CBX3: variants seen among roughly 807,000 people sequenced by gnomAD.
The protein encoded by CBX3 is chromobox protein homolog 3.
A neutral mutation model predicts 22.6 loss-of-function variants in CBX3; 5 were observed. The ratio of observed to expected loss-of-function variants is 0.22; its 90% confidence interval spans 0.12 to 0.47. CBX3 has a LOEUF of 0.47. Among genes scored for constraint, CBX3 ranks in the 20% least tolerant of loss-of-function variants. CBX3 has a pLI of 0.99. For synonymous variants in CBX3, 50 were observed against 66.6 expected, an observed-to-expected ratio of 0.75 and a Z score of 1.21; for missense variants, 83 against 208.1, an observed-to-expected ratio of 0.40 and a Z score of 3.70.
In CBX3 at chr7:26,211,778, C is replaced by T. The variant is rs374663838; in HGVS notation, c.425+22C>T. 7.4e-6 allele frequency: 11 copies of T among 1,479,320 alleles called. No individual in the cohort carries two copies. In the African/African-American group the frequency reaches 8.6e-5, roughly 12 times the overall value. The allele number at this position is 1,479,320 out of a possible 1,614,324, so 91.6% of individuals were successfully genotyped here. On this transcript the variant is annotated intron_variant, in intron 5 of 5. Transcript: ENST00000396386. ...AATGGTGAGTATGCAGAGATTGTTA[C>T]ATTTGAAAGTAAGAGTAGCTTTTTT...
rs1050661897 is a variant in CBX3 at position 26,207,857 on chromosome 7, C to T, written c.168-536C>T. 5.3e-5 allele frequency among the ~76,000 whole-genome samples: 8 copies of T among 151,882 alleles called. No individual in the cohort carries two copies. The East Asian group carries it at 9.8e-4, about 19-fold the overall frequency. ...TGAAAATAATACTACAGAGCAGAGA[C>T]TTTTATTGTCCTCTACCCAGTAATT... On this transcript the variant is annotated intron_variant, in intron 3 of 5. Transcript: ENST00000396386.
chr7:26,212,277 C>T lies in CBX3; in HGVS notation c.*69C>T, dbSNP rs1249498829. On this transcript the variant is annotated 3_prime_UTR_variant, in exon 6 of 6. Coordinates refer to ENST00000396386, the MANE Select transcript of CBX3 (RefSeq NM_016587.4). ...AAATTGGGTCTTAGATTTTGATTTA[C>T]TAGTGTGACAAAATAACTACATCCT... 4.3e-6 allele frequency: 4 copies of T among 934,390 alleles called. No individual in the cohort carries two copies. Among genetic ancestry groups the T allele is most frequent in the African/African-American group, 1.8e-5 (1 of 56,882 alleles). The allele number at this position is 934,390 out of a possible 1,614,324, so 57.9% of individuals were successfully genotyped here. A position where few individuals can be genotyped will look rare whatever the true frequency, so the allele number is the denominator to read the frequency against.
chr7:26,203,686 T>G (rs1784605387), intron 2 of CBX3, among the ~76,000 whole-genome samples: 1 of 152,176 alleles, frequency 6.6e-6, no homozygotes, highest in Non-Finnish European at 1.5e-5. Context: ...AATCATGAAA[T>G]TCAAAGTTAC....
At chr7:26,211,089 A>C (rs1784793732) in intron 4 of CBX3, among the ~76,000 whole-genome samples, 1 of 152,080 alleles carries the variant, frequency 6.6e-6, no homozygotes, top group Non-Finnish European at 1.5e-5. Flanking sequence ...AAAAAAAAAA[A>C]AAAAAAAAAT....
intron 1 of CBX3, chr7:26,202,111 C>A (rs1784500863): frequency 6.6e-6 from 1 of 151,990 alleles, no homozygotes; most frequent in African/African-American, 2.4e-5. Flanking sequence ...CTCCCCTCCC[C>A]CACCCGCGTT....
intron 4 of CBX3, among the ~76,000 whole-genome samples, chr7:26,209,787 A>T (rs1487062894): frequency 2.6e-5 from 4 of 152,182 alleles, no homozygotes; most frequent in Non-Finnish European, 1.5e-5. Context: ...CTACTGACCT[A>T]GTGTGGCAAT....
chr7:26,208,949 T>TTTTTTTTTC (rs1784743842), intron 4 of CBX3, among the ~76,000 whole-genome samples: 1 of 134,974 alleles, frequency 7.4e-6, no homozygotes, highest in Non-Finnish European at 1.6e-5. Flanking sequence ...TTTTTTTTTT[T>TTTTTTTTTC]TTCCTGGGAG....
rs192714146 is a variant in CBX3, at chr7:26,211,165, G to A, written c.331-497G>A. Among the ~76,000 whole-genome samples, 35 of 151,930 alleles carry A rather than the reference G, an allele frequency of 2.3e-4. 1 individual carries two copies. The East Asian group carries it at 6.2e-3, about 27-fold the overall frequency. Reference sequence around the variant, plus strand: ...GTGTTGGGCCTCCAAAGCCATCCTGGGCCACAGGTTACACAAGTTTGTTCT... The same window carrying A: ...GTGTTGGGCCTCCAAAGCCATCCTGAGCCACAGGTTACACAAGTTTGTTCT... On this transcript the variant is annotated intron_variant, in intron 4 of 5. Transcript: ENST00000396386.
intron 3 of CBX3, among the ~76,000 whole-genome samples, chr7:26,207,837 A>G (rs1034492220): frequency 1.3e-5 from 2 of 151,118 alleles, no homozygotes; most frequent in African/African-American, 2.5e-5. Context: ...TTTAATGAAA[A>G]TAATACTACA....
rs762628517 is a variant in CBX3 at position 26,206,459 on chromosome 7, G to A, written c.116G>A (p.Arg39His). The A allele has an allele frequency of 6.2e-6, 10 of 1,613,988 alleles. No homozygotes were observed. The highest frequency in any genetic ancestry group is 5.5e-5 in the South Asian group (5 of 91,080). ...EFVVEKVLDR[R>H]VVNGKVEYFL... is the part of the protein sequence containing the mutation. ...GTCGTGGAAAAAGTACTAGATCGAC[G>A]TGTAGTGAATGGGAAAGTGGAATAT... is the stretch of plus-strand genomic sequence containing the variant. Residue 39 changes from arginine to histidine, a missense_variant, in exon 3 of 6, where the codon CGT becomes CAT. Transcript: ENST00000396386.
At chr7:26,210,883 G>A (rs1052157827) in intron 4 of CBX3, among the ~76,000 whole-genome samples, 4 of 152,072 alleles carry the variant, frequency 2.6e-5, no homozygotes, top group Admixed American at 2.0e-4. Flanking sequence ...AAAAAAGGGG[G>A]CCTTACACAA....
intron 4 of CBX3, among the ~76,000 whole-genome samples, chr7:26,210,823 G>A (rs187827370): frequency 1.3e-5 from 2 of 152,190 alleles, no homozygotes; most frequent in African/African-American, 2.4e-5. Flanking sequence ...TGCTGTGGCG[G>A]ATCATTTTGG....
intron 4 of CBX3, among the ~76,000 whole-genome samples, chr7:26,208,970 C>T (rs1784744947): frequency 8.5e-6 from 1 of 117,194 alleles, no homozygotes; most frequent in Non-Finnish European, 1.6e-5. Flanking sequence ...ACAGAGTCTC[C>T]CTCTGTCACC....
At chr7:26,208,292 A>T in intron 3 of CBX3, 101 bp from the exon 4 acceptor site, 1 of 906,390 alleles carries the variant, frequency 1.1e-6, no homozygotes. Flanking sequence ...AGTACAGAGG[A>T]CTTTTTATTC....
chr7:26,203,342 C>A (rs1784595203), intron 2 of CBX3, among the ~76,000 whole-genome samples: 1 of 152,110 alleles, frequency 6.6e-6, no homozygotes, highest in South Asian at 2.1e-4. Context: ...AATGGTAAAG[C>A]CCTTGTTGGT....
chr7:26,203,827 C>A (rs1331200434), intron 2 of CBX3, among the ~76,000 whole-genome samples: 1 of 151,984 alleles, frequency 6.6e-6, no homozygotes, highest in South Asian at 2.1e-4. Context: ...AAAAAGGGCA[C>A]GTTAGTGATT....
intron 2 of CBX3, among the ~76,000 whole-genome samples, chr7:26,203,429 T>G (rs1784598700): frequency 6.6e-6 from 1 of 152,232 alleles, no homozygotes; most frequent in Non-Finnish European, 1.5e-5. Context: ...ACAAGGTACC[T>G]TGTGCACCTA....
At chr7:26,209,246 T>C (rs1016358471) in intron 4 of CBX3, among the ~76,000 whole-genome samples, 7 of 152,270 alleles carry the variant, frequency 4.6e-5, no homozygotes, top group Non-Finnish European at 8.8e-5. Context: ...CAGATACTTT[T>C]ATAAAAGGCC....
chr7:26,208,619 T>C, intron 4 of CBX3, 64 bp downstream of exon 4: 1 of 1,442,340 alleles, frequency 6.9e-7, no homozygotes, highest in Non-Finnish European at 9.5e-7. Flanking sequence ...TGATTTCTTT[T>C]TTGTTTGTTT....
Sources: gnomAD v4.1 joint callset for allele counts (sites outside exome capture counted in the v4.1 genomes callset) on GRCh38, gnomAD v4.1.1 for gene constraint, MANE v1.5 for transcripts, NCBI Gene and HGNC (gene_info 2026-07-23, HGNC 2026-07-21) for gene names.